Variants in NELL1 observed in about 807,000 individuals in gnomAD.
NELL1 encodes the protein protein kinase C-binding protein NELL1.
NELL1 carries 76 observed loss-of-function variants against 107.4 expected under a neutral mutation model. That is an observed-to-expected ratio of 0.71 (90% CI 0.59 to 0.86). The LOEUF (loss-of-function observed/expected upper bound fraction) is 0.86, where lower values mean the gene tolerates loss of function less well. Ranked by LOEUF, NELL1 falls within the 40% of genes least tolerant of loss-of-function variation. The pLI is 0.00. For synonymous variants in NELL1, 353 were observed against 341.2 expected (o/e 1.03, Z -0.38); for missense variants, 1,024 against 1,005.5 (o/e 1.02, Z -0.25).
intron 14 of NELL1, among the ~76,000 whole-genome samples, chr11:21,364,410 C>CAAAAAAAAAAAAAAAA (rs71034511): frequency 1.3e-5 from 1 of 75,636 alleles, no homozygotes; most frequent in African/African-American, 7.6e-5. Context: ...GACTCTGTCT[C>CAAAAAAAAAAAAAAAA]AAAAAAAAAA....
intron 3 of NELL1, among the ~76,000 whole-genome samples, chr11:20,827,071 T>A (rs1237905396): frequency 6.6e-6 from 1 of 151,178 alleles, no homozygotes; most frequent in African/African-American, 2.4e-5. Context: ...GGTTTTGCAA[T>A]AGGAGTGCGG....
chr11:21,271,398 C>G (rs1473646319), intron 14 of NELL1, among the ~76,000 whole-genome samples: 1 of 152,050 alleles, frequency 6.6e-6, no homozygotes, highest in Non-Finnish European at 1.5e-5. Context: ...TAAAATGAAC[C>G]AATTTCTTGA....
chr11:21,427,573 C>G (rs1368956909), intron 15 of NELL1, among the ~76,000 whole-genome samples: 2 of 152,068 alleles, frequency 1.3e-5, no homozygotes, highest in Non-Finnish European at 2.9e-5. Flanking sequence ...ATAGTAAGTG[C>G]TAAAAAATGT....
At chr11:21,411,449 A>G (rs951705126) in intron 15 of NELL1, among the ~76,000 whole-genome samples, 2 of 152,070 alleles carry the variant, frequency 1.3e-5, no homozygotes, top group African/African-American at 2.4e-5. Flanking sequence ...ATCAATAACA[A>G]TAATGGCAAT....
At chr11:20,751,646 T>TA (rs56008564) in intron 2 of NELL1, among the ~76,000 whole-genome samples, 2 of 147,808 alleles carry the variant, frequency 1.4e-5, no homozygotes, top group African/African-American at 5.0e-5. Flanking sequence ...CTGGCTAAGT[T>TA]AAAAAAAAAA....
At chr11:21,259,247 G>A (rs1346253658) in intron 14 of NELL1, among the ~76,000 whole-genome samples, 5 of 151,814 alleles carry the variant, frequency 3.3e-5, no homozygotes, top group African/African-American at 4.8e-5. Flanking sequence ...ATGGAGAAAC[G>A]TTTGATAACT....
At chr11:20,740,017 A>G (rs56181692) in intron 2 of NELL1, among the ~76,000 whole-genome samples, 67 of 152,314 alleles carry the variant, frequency 4.4e-4, no homozygotes, top group Non-Finnish European at 7.5e-4. Flanking sequence ...GCCACATACT[A>G]TTCTTGTGCC....
intron 13 of NELL1, among the ~76,000 whole-genome samples, chr11:21,161,139 A>C (rs936327706): frequency 2.0e-5 from 3 of 152,098 alleles, no homozygotes; most frequent in Non-Finnish European, 4.4e-5. Context: ...CTCATCTCAA[A>C]GCACCTTCCA....
At chr11:20,845,220 C>A (rs1215834334) in intron 3 of NELL1, among the ~76,000 whole-genome samples, 1 of 152,116 alleles carries the variant, frequency 6.6e-6, no homozygotes. Context: ...GTATCATTTG[C>A]CTGACATTAG....
At position 21,147,836 on chromosome 11, in the gene NELL1, CAAAAAAAAAAAA is replaced by C. The variant is rs35688285; in HGVS notation, c.1426+34140_1426+34151del. Among the ~76,000 whole-genome samples, 14 of 28,814 alleles carry C rather than the reference CAAAAAAAAAAAA, an allele frequency of 4.9e-4. No homozygotes were observed. The South Asian group carries it at 0.016, about 32-fold the overall frequency. The allele number at this position is 28,814 out of a possible 152,430, so 18.9% of individuals were successfully genotyped here. A position where few individuals can be genotyped will look rare whatever the true frequency, so the allele number is the denominator to read the frequency against. On this transcript the variant is annotated intron_variant, in intron 13 of 19. Transcript: ENST00000357134. Reference sequence around the variant, plus strand: ...GGGCAACAAGAGTGAAACTCCGTCTCAAAAAAAAAAAAAAAAAAAAAAAAAAAAAGAAAAGAA... The same window carrying C: ...GGGCAACAAGAGTGAAACTCCGTCTCAAAAAAAAAAAAAAAAAGAAAAGAA...
rs764518201 is a variant in NELL1, at chr11:20,677,968, A to G, written c.92A>G (p.Asp31Gly). The change falls in exon 2 of 20, where the codon GAT (aspartate) becomes GGT (glycine). Residue 31 changes from aspartate (D) to glycine (G), a missense_variant. Transcript: ENST00000357134. ...GFGMDPDLQM[D>G]IVTELDLVNT... ...GGGATGGACCCTGACCTTCAGATGG[A>G]TATCGTCACCGAGCTTGACCTTGTG... is the stretch of plus-strand genomic sequence containing the variant. 3.7e-6 allele frequency: 6 copies of G among 1,614,086 alleles called. No homozygotes were observed. Among genetic ancestry groups the G allele is most frequent in the Admixed American group, 1.7e-5 (1 of 60,012 alleles).
chr11:21,166,544 C>T (rs1856488161), intron 13 of NELL1, among the ~76,000 whole-genome samples: 1 of 151,784 alleles, frequency 6.6e-6, no homozygotes, highest in South Asian at 2.1e-4. Context: ...CATTGCTTGT[C>T]TATGCCAAAA....
chr11:20,689,089 T>G (rs971533385), intron 2 of NELL1, among the ~76,000 whole-genome samples: 68 of 152,238 alleles, frequency 4.5e-4, no homozygotes, highest in African/African-American at 1.6e-3. Flanking sequence ...GAAAAGTGTT[T>G]GTTCATGTCA....
intron 13 of NELL1, among the ~76,000 whole-genome samples, chr11:21,157,161 A>ATATATATATATG (rs372420048): frequency 1.3e-5 from 2 of 149,626 alleles, no homozygotes; most frequent in African/African-American, 2.5e-5. Context: ...ATATATATAT[A>ATATATATATATG]TGTGTGTGTG....
chr11:21,544,859 T>C (rs1369957632), intron 16 of NELL1, among the ~76,000 whole-genome samples: 1 of 151,962 alleles, frequency 6.6e-6, no homozygotes, highest in Non-Finnish European at 1.5e-5. Flanking sequence ...CTCAGTATCA[T>C]TGAATAATGA....
At chr11:21,533,828 A>C (rs755977668) in intron 15 of NELL1, among the ~76,000 whole-genome samples, 1 of 152,180 alleles carries the variant, frequency 6.6e-6, no homozygotes, top group Non-Finnish European at 1.5e-5. Flanking sequence ...AAGAAAAGGT[A>C]ATTATTAGCT....
intron 16 of NELL1, among the ~76,000 whole-genome samples, chr11:21,536,882 T>G (rs1856152880): frequency 6.6e-6 from 1 of 152,186 alleles, no homozygotes; most frequent in Non-Finnish European, 1.5e-5. Flanking sequence ...CTCTGGCACC[T>G]GTCCTGGTGC....
chr11:21,020,991 A>T lies in NELL1; in HGVS notation c.1300+60431A>T, dbSNP rs184092696. 2.0e-5 allele frequency among the ~76,000 whole-genome samples: 3 copies of T among 148,358 alleles called. No homozygotes were observed. In the East Asian group the frequency reaches 6.1e-4, roughly 30 times the overall value. Reference sequence around the variant, plus strand: ...CTTCCTGGTAAGGAGGGGCCAGCTGATAGAGCAGAAAGAAACTTAGAACAC... The same window carrying T: ...CTTCCTGGTAAGGAGGGGCCAGCTGTTAGAGCAGAAAGAAACTTAGAACAC... On this transcript the variant is annotated intron_variant, in intron 12 of 19. Transcript: ENST00000357134.
chr11:21,397,417 G>A (rs1852005871), intron 15 of NELL1, among the ~76,000 whole-genome samples: 1 of 151,448 alleles, frequency 6.6e-6, no homozygotes, highest in Non-Finnish European at 1.5e-5. Flanking sequence ...AAGCAAAAAA[G>A]AAAATTAAAA....
Sources: allele counts gnomAD v4.1 joint callset (sites outside exome capture counted in the v4.1 genomes callset), GRCh38; gene constraint gnomAD v4.1.1; transcripts MANE v1.5; gene names NCBI Gene and HGNC (gene_info 2026-07-23, HGNC 2026-07-21).